The following TUSC3 variants were observed in gnomAD, a reference collection of about 807,000 sequenced individuals.
The protein encoded by TUSC3 is dolichyl-diphosphooligosaccharide--protein glycosyltransferase subunit TUSC3.
In TUSC3, 45 loss-of-function variants were observed where a neutral mutation model predicts 44.8. The observed-to-expected ratio is 1.00, with a 90% CI of 0.79 to 1.29. TUSC3 has a LOEUF of 1.29. TUSC3 is among the 50% of genes most tolerant of loss of function. TUSC3 has a pLI of 0.00. For synonymous variants in TUSC3, 212 were observed against 152.9 expected (o/e 1.39, Z -2.85); for missense variants, 519 against 437.9 (o/e 1.19, Z -1.65).
At chr8:15,480,647 G>C (rs1054991260) in intron 1 of TUSC3, among the ~76,000 whole-genome samples, 1 of 152,176 alleles carries the variant, frequency 6.6e-6, no homozygotes, top group African/African-American at 2.4e-5. Flanking sequence ...TTGGCTTGCA[G>C]ATGGCTGCCT....
At chr8:15,503,228 A>C (rs2132129) in intron 2 of TUSC3, among the ~76,000 whole-genome samples, 121,708 of 151,980 alleles carry the variant, frequency 0.8, 49,393 homozygotes, top group Admixed American at 0.87. Context: ...GAGGAAAGAC[A>C]GTGGGAAGAC....
intron 1 of TUSC3, among the ~76,000 whole-genome samples, chr8:15,601,917 A>T (rs1224522337): frequency 6.7e-5 from 10 of 149,244 alleles, no homozygotes; most frequent in Admixed American, 5.4e-4. Context: ...TTATTTATGT[A>T]TTTTTTTTTA....
At chr8:15,753,072 AAAGCTGCTATAGTTTACATAGATGT>A (rs1811774299) in intron 9 of TUSC3, among the ~76,000 whole-genome samples, 1 of 152,006 alleles carries the variant, frequency 6.6e-6, no homozygotes, top group African/African-American at 2.4e-5. Flanking sequence ...TTTACTAATG[AAAGCTGCTATAGTTTACATAGATGT>A]GATTCCCTTT....
At position 15,540,640 on chromosome 8, in the gene TUSC3, C is replaced by T. The variant is rs1053426789; in HGVS notation, c.138+72C>T. On this transcript the variant is annotated intron_variant, in intron 1 of 10. Transcript: ENST00000503731. ...GGGTGGGCCGCGTTGCCAGGCAGCC[C>T]TGCCGTGTTGCTAGGCAGCCTGGTC... 3 of 1,452,634 alleles carry T rather than the reference C, an allele frequency of 2.1e-6. No individual in the cohort carries two copies. The African/African-American group carries it at 4.4e-5, about 21-fold the overall frequency. 90.0% of individuals were successfully genotyped at this position (1,452,634 alleles called of 1,614,324 possible).
At chr8:15,578,852 C>T (rs1391831279) in intron 1 of TUSC3, among the ~76,000 whole-genome samples, 1 of 151,922 alleles carries the variant, frequency 6.6e-6, no homozygotes, top group African/African-American at 2.4e-5. Flanking sequence ...GGGAGGATTC[C>T]CTCTTTTTCT....
At chr8:15,510,061 T>C (rs1801111438) in intron 2 of TUSC3, among the ~76,000 whole-genome samples, 1 of 152,006 alleles carries the variant, frequency 6.6e-6, no homozygotes, top group South Asian at 2.1e-4. Context: ...TAGTCCTAGC[T>C]CCCTGGGAGG....
At chr8:15,434,115 T>C (rs898469152) in intron 1 of TUSC3, among the ~76,000 whole-genome samples, 2 of 152,210 alleles carry the variant, frequency 1.3e-5, no homozygotes, top group Non-Finnish European at 2.9e-5. Context: ...TCTTTGCTAA[T>C]CCTTAGTATT....
At chr8:15,630,650 T>G (rs1805717449) in intron 2 of TUSC3, among the ~76,000 whole-genome samples, 2 of 152,188 alleles carry the variant, frequency 1.3e-5, no homozygotes, top group Non-Finnish European at 2.9e-5. Flanking sequence ...TATTCATTAT[T>G]GTCTCTATTC....
the TUSC3 span, among the ~76,000 whole-genome samples, chr8:15,773,786 C>G: frequency 2.9e-4 from 44 of 152,074 alleles, no homozygotes; most frequent in African/African-American, 1.0e-3. Context: ...AAAAACATAC[C>G]CATAACCTCT....
intron 2 of TUSC3, among the ~76,000 whole-genome samples, chr8:15,637,616 C>T (rs1052135073): frequency 2.0e-5 from 3 of 151,872 alleles, no homozygotes; most frequent in Non-Finnish European, 2.9e-5. Flanking sequence ...TTTGTAGTAG[C>T]CTTGTACAGA....
At chr8:15,514,858 C>A (rs138487866) in intron 2 of TUSC3, among the ~76,000 whole-genome samples, 303 of 152,226 alleles carry the variant, frequency 2.0e-3, no homozygotes, top group Non-Finnish European at 2.8e-3. Context: ...ACTCTCTCAG[C>A]CTCAGATTCC....
chr8:15,845,020 C>A, the TUSC3 span, among the ~76,000 whole-genome samples: 1 of 151,996 alleles, frequency 6.6e-6, no homozygotes, highest in Non-Finnish European at 1.5e-5. Flanking sequence ...ACAGAAAATG[C>A]AGTTAATCAA....
intron 6 of TUSC3, among the ~76,000 whole-genome samples, chr8:15,716,377 A>C (rs1328347331): frequency 1.3e-5 from 2 of 152,182 alleles, no homozygotes; most frequent in East Asian, 3.8e-4. Context: ...TTAAAAAAAA[A>C]AGCCAGTTTA....
At chr8:15,525,198 G>C (rs1013402690) in intron 2 of TUSC3, among the ~76,000 whole-genome samples, 9 of 152,240 alleles carry the variant, frequency 5.9e-5, no homozygotes, top group Middle Eastern at 3.4e-3. Context: ...GCCACTTCTT[G>C]ATCTCTATCC....
chr8:15,665,450 T>A (rs930141891), intron 5 of TUSC3, among the ~76,000 whole-genome samples: 3 of 151,452 alleles, frequency 2.0e-5, no homozygotes, highest in Non-Finnish European at 3.0e-5. Context: ...CTGGGTAGAC[T>A]GTATTTTAAG....
chr8:15,736,350 G>A (rs961671637), intron 7 of TUSC3, among the ~76,000 whole-genome samples: 5 of 152,180 alleles, frequency 3.3e-5, no homozygotes, highest in Non-Finnish European at 5.9e-5. Context: ...GGAATATCAT[G>A]AAGTGAAAAT....
the TUSC3 span, among the ~76,000 whole-genome samples, chr8:15,793,691 A>C: frequency 6.6e-6 from 1 of 152,226 alleles, no homozygotes; most frequent in Non-Finnish European, 1.5e-5. Context: ...CCATGAGGGC[A>C]GGATTTTTTA....
Position 15,757,871 on chromosome 8 carries a change from T to G in TUSC3, c.*46+16T>G. 1 of 1,392,762 alleles carries G rather than the reference T, an allele frequency of 7.2e-7. No homozygotes were observed. Among genetic ancestry groups the G allele is most frequent in the Admixed American group, 1.7e-5 (1 of 59,650 alleles). The allele number at this position is 1,392,762 out of a possible 1,614,324, so 86.3% of individuals were successfully genotyped here. ...ATAACCTCAGGCAAGTCTTTTAATC[T>G]TCTCTGAGCCTCAGTTTTCCTCATT... On this transcript the variant is annotated intron_variant, in intron 10 of 10. Transcript: ENST00000503731.
At position 15,752,366 on chromosome 8, in the gene TUSC3, C is replaced by A. The variant is rs550058793; in HGVS notation, c.1028+3901C>A. On this transcript the variant is annotated intron_variant, in intron 9 of 10. Coordinates refer to ENST00000503731, the MANE Select transcript of TUSC3 (RefSeq NM_006765.4). The stretch of plus-strand genomic sequence containing the variant: ...TTAATATGTACTACTCAATAGTGAA[C>A]GTTTCTGGTTTAAAATACATTAATT... 4.1e-5 allele frequency among the ~76,000 whole-genome samples: 6 copies of A among 144,654 alleles called. No homozygotes were observed. The South Asian group carries it at 9.0e-4, about 22-fold the overall frequency. 94.9% of individuals were successfully genotyped at this position (144,654 alleles called of 152,430 possible).
Sources: gnomAD v4.1 joint callset for allele counts (sites outside exome capture counted in the v4.1 genomes callset) on GRCh38, gnomAD v4.1.1 for gene constraint, MANE v1.5 for transcripts, NCBI Gene and HGNC (gene_info 2026-07-23, HGNC 2026-07-21) for gene names.